Variants in LRBA observed in about 807,000 individuals in gnomAD.
The protein encoded by LRBA is lipopolysaccharide-responsive and beige-like anchor protein.
In LRBA, 176 loss-of-function variants were observed where a neutral mutation model predicts 330.0. The observed-to-expected ratio is 0.53, with a 90% CI of 0.47 to 0.60. The LOEUF is 0.60. Ranked by LOEUF, LRBA falls within the 20% of genes least tolerant of loss-of-function variation. The probability of loss-of-function intolerance (pLI) is 0.00; values close to 1 mark genes in which losing one functional copy is unlikely to be tolerated. For missense variants in LRBA, 3,259 were observed against 3,444.8 expected (o/e 0.95, Z 1.35); for synonymous variants, 1,230 against 1,193.0 (o/e 1.03, Z -0.64).
intron 47 of LRBA, among the ~76,000 whole-genome samples, chr4:150,358,956 A>G (rs1192159752): frequency 1.3e-5 from 2 of 152,206 alleles, no homozygotes; most frequent in African/African-American, 2.4e-5. Flanking sequence ...CATGGCACCA[A>G]TGATTCCCTG....
intron 17 of LRBA, among the ~76,000 whole-genome samples, chr4:150,891,836 C>T (rs912260941): frequency 6.6e-6 from 1 of 152,072 alleles, no homozygotes; most frequent in East Asian, 1.9e-4. Flanking sequence ...TTAAAAAATA[C>T]CAAATAAAGA....
intron 44 of LRBA, among the ~76,000 whole-genome samples, chr4:150,448,762 C>T (rs1331571604): frequency 7.6e-6 from 1 of 131,470 alleles, no homozygotes; most frequent in East Asian, 2.3e-4. Context: ...AGATCATGCC[C>T]TTGCACTCCA....
rs762220751 is a variant in LRBA at position 150,436,854 on chromosome 4, G to A, written c.6791C>T (p.Ala2264Val). 1 of 1,613,404 alleles carries A rather than the reference G, an allele frequency of 6.2e-7. No individual in the cohort carries two copies. The highest frequency in any genetic ancestry group is 8.5e-7 in the Non-Finnish European group (1 of 1,179,724). The change falls in exon 45 of 57, where the codon GCT becomes GTT. Residue 2264 changes from alanine to valine, a missense_variant. Transcript: ENST00000651943. ...GAATGCTGCTCTTTTTGGGTTCAGA[G>A]CTCCTATTGGCTGCCAATAGGGAGG... ...NFRDLSKPIG[A>V]LNPKRAAFFA... is the part of the protein sequence containing the mutation.
intron 16 of LRBA, among the ~76,000 whole-genome samples, chr4:150,893,570 G>A (rs574237677): frequency 7.2e-5 from 11 of 152,116 alleles, no homozygotes; most frequent in Admixed American, 3.9e-4. Context: ...GGCTGGTCTC[G>A]AACTCTTGGC....
At chr4:150,342,838 C>T (rs969631907) in intron 48 of LRBA, among the ~76,000 whole-genome samples, 1 of 151,966 alleles carries the variant, frequency 6.6e-6, no homozygotes, top group African/African-American at 2.4e-5. Context: ...TAGAAGTGAA[C>T]AGAAATAAGT....
At chr4:150,735,173 G>C in intron 36 of LRBA, 85 bp downstream of exon 36, 1 of 975,356 alleles carries the variant, frequency 1.0e-6, no homozygotes, top group Admixed American at 1.7e-5. Context: ...ATGTTTCTTT[G>C]GACCTGCCAT....
intron 2 of LRBA, among the ~76,000 whole-genome samples, chr4:151,002,874 T>A (rs1210882786): frequency 6.6e-6 from 1 of 151,672 alleles, no homozygotes; most frequent in African/African-American, 2.4e-5. Context: ...ATTAGCTGGG[T>A]GTAGTGGCAC....
intron 48 of LRBA, among the ~76,000 whole-genome samples, chr4:150,330,832 A>T (rs978681229): frequency 6.6e-6 from 1 of 152,080 alleles, no homozygotes; most frequent in African/African-American, 2.4e-5. Context: ...GACAACAAAA[A>T]ATTTACTGAG....
chr4:150,815,231 G>C lies in LRBA; in HGVS notation c.5305+1893C>G, dbSNP rs990964891. On this transcript the variant is annotated intron_variant, in intron 31 of 56. Transcript: ENST00000651943. ...AATAACTATTGCATTTTTCACAAAAGGGACTACTCTAGAAAAACCACAGTT... is the reference window on the plus strand; with the variant it reads ...AATAACTATTGCATTTTTCACAAAACGGACTACTCTAGAAAAACCACAGTT... Among the ~76,000 whole-genome samples, 10 of 151,568 alleles carry C rather than the reference G, an allele frequency of 6.6e-5. 1 individual carries two copies. Among genetic ancestry groups the C allele is most frequent in the African/African-American group, 1.7e-4 (7 of 41,306 alleles).
chr4:150,516,215 CTCTTTTTT>C (rs1762336030), intron 40 of LRBA, among the ~76,000 whole-genome samples: 3 of 86,712 alleles, frequency 3.5e-5, no homozygotes, highest in Admixed American at 2.6e-4. Context: ...ATTTTCTATT[CTCTTTTTT>C]TTTTTTTTTT....
At chr4:150,861,247 T>C (rs1481864029) in intron 22 of LRBA, among the ~76,000 whole-genome samples, 1 of 150,008 alleles carries the variant, frequency 6.7e-6, no homozygotes, top group Non-Finnish European at 1.5e-5. Context: ...GAAATACAGG[T>C]GCATGCCACC....
At chr4:150,884,939 A>T (rs1370986204) in intron 17 of LRBA, among the ~76,000 whole-genome samples, 2 of 152,098 alleles carry the variant, frequency 1.3e-5, no homozygotes, top group Non-Finnish European at 2.9e-5. Context: ...AATGAAACAG[A>T]TTAACAATGA....
At chr4:150,938,522 T>C (rs1201198) in intron 2 of LRBA, among the ~76,000 whole-genome samples, 14,993 of 152,196 alleles carry the variant, frequency 0.099, 1,044 homozygotes, top group South Asian at 0.29. Context: ...TCTCCAGCTT[T>C]TCTTGAATGA....
At chr4:150,591,672 C>A (rs1291026125) in intron 38 of LRBA, among the ~76,000 whole-genome samples, 1 of 152,036 alleles carries the variant, frequency 6.6e-6, no homozygotes, top group Non-Finnish European at 1.5e-5. Flanking sequence ...CTCATGCGGC[C>A]TGAACTGGAG....
At chr4:150,559,745 AAT>A (rs1301713329) in intron 40 of LRBA, among the ~76,000 whole-genome samples, 79 of 88,878 alleles carry the variant, frequency 8.9e-4, no homozygotes, top group Non-Finnish European at 1.4e-3. Flanking sequence ...TATAATATAT[AAT>A]ATATATAACA....
At chr4:150,893,425 A>C (rs1729697632) in intron 16 of LRBA, among the ~76,000 whole-genome samples, 1 of 152,068 alleles carries the variant, frequency 6.6e-6, no homozygotes, top group African/African-American at 2.4e-5. Context: ...ATCTCAGCTC[A>C]CTGCAACCTC....
chr4:150,781,038 C>T (rs1048569863), intron 34 of LRBA, among the ~76,000 whole-genome samples: 4 of 151,996 alleles, frequency 2.6e-5, no homozygotes, highest in Non-Finnish European at 5.9e-5. Flanking sequence ...CACCACCACG[C>T]CTGGCTAATT....
chr4:150,487,227 T>C (rs893152161), intron 42 of LRBA, among the ~76,000 whole-genome samples: 1 of 151,222 alleles, frequency 6.6e-6, no homozygotes, highest in African/African-American at 2.4e-5. Flanking sequence ...ATCGTGTGTG[T>C]GTATATTTAT....
chr4:150,459,805 T>G (rs1289223070), intron 44 of LRBA, among the ~76,000 whole-genome samples: 1 of 151,968 alleles, frequency 6.6e-6, no homozygotes, highest in Admixed American at 6.6e-5. Context: ...TAAACTATTT[T>G]AACATATTAT....
Sources: gnomAD v4.1 joint callset for allele counts (sites outside exome capture counted in the v4.1 genomes callset) on GRCh38, gnomAD v4.1.1 for gene constraint, MANE v1.5 for transcripts, NCBI Gene and HGNC (gene_info 2026-07-23, HGNC 2026-07-21) for gene names.